The following KLHL3 variants were observed in gnomAD, a reference collection of about 807,000 sequenced individuals.
KLHL3 encodes the protein kelch like family member 3.
Under a neutral mutation model 70.5 loss-of-function variants are expected in KLHL3, and 19 were observed. That is an observed-to-expected ratio of 0.27 (90% CI 0.19 to 0.40). The LOEUF (loss-of-function observed/expected upper bound fraction) is 0.40, where lower values mean the gene tolerates loss of function less well. KLHL3 is among the 10% of genes least tolerant of loss of function. The pLI, the probability that KLHL3 is intolerant of heterozygous loss-of-function variation, is 1.00. For synonymous variants in KLHL3, 258 were observed against 290.3 expected, an observed-to-expected ratio of 0.89 and a Z score of 1.13; for missense variants, 512 against 771.1, an observed-to-expected ratio of 0.66 and a Z score of 3.98.
chr5:137,635,181 C>T (rs1233467744), intron 11 of KLHL3, among the ~76,000 whole-genome samples: 1 of 152,168 alleles, frequency 6.6e-6, no homozygotes, highest in South Asian at 2.1e-4. Context: ...CAAACCTATA[C>T]TCTGCTACCA....
rs138190204 is a variant in KLHL3, at chr5:137,664,908, G to C, written c.637-2877C>G. Among the ~76,000 whole-genome samples the C allele has an allele frequency of 5.0e-3, 755 of 152,200 alleles. 2 individuals carry two copies. Among genetic ancestry groups the C allele is most frequent in the South Asian group, 8.5e-3 (41 of 4,824 alleles). On this transcript the variant is annotated intron_variant, in intron 6 of 14. Coordinates refer to ENST00000309755, the MANE Select transcript of KLHL3 (RefSeq NM_017415.3). ...ACAGATTACATACTATTTACATGGA[G>C]GGAAAATATCCTCAAATAGAGAGAT...
intron 6 of KLHL3, among the ~76,000 whole-genome samples, chr5:137,669,496 A>G (rs1751697260): frequency 6.7e-6 from 1 of 149,940 alleles, no homozygotes; most frequent in South Asian, 2.1e-4. Flanking sequence ...AAAAATTAAA[A>G]CGGTAACATC....
rs374389148 is a variant in KLHL3, at chr5:137,725,863, T to A, written c.15-5279A>T. Among the ~76,000 whole-genome samples, 40 of 152,314 alleles carry A rather than the reference T, an allele frequency of 2.6e-4. No individual in the cohort carries two copies. In the South Asian group the frequency reaches 6.0e-3, roughly 23 times the overall value. On this transcript the variant is annotated intron_variant, in intron 1 of 14. Coordinates refer to ENST00000309755, the MANE Select transcript of KLHL3 (RefSeq NM_017415.3). ...CCACAGAAAGGGTGTTGCAAATTGG[T>A]TCTGACTTATCTCACACTCACAGAT...
intron 5 of KLHL3, among the ~76,000 whole-genome samples, chr5:137,684,107 C>T (rs1752104351): frequency 6.6e-6 from 1 of 152,158 alleles, no homozygotes; most frequent in South Asian, 2.1e-4. Context: ...CAGCTGGCCT[C>T]ACTCTGGCAC....
At chr5:137,728,427 A>G (rs1346528511) in intron 1 of KLHL3, among the ~76,000 whole-genome samples, 1 of 152,324 alleles carries the variant, frequency 6.6e-6, no homozygotes, top group East Asian at 1.9e-4. Flanking sequence ...TCATTAAAAT[A>G]CTGATGGCTT....
rs757805839 is a variant in KLHL3 at position 137,637,432 on chromosome 5, C to A, written c.1220-37G>T. On this transcript the variant is annotated intron_variant, in intron 10 of 14. Coordinates refer to ENST00000309755, the MANE Select transcript of KLHL3 (RefSeq NM_017415.3). ...GAGACTCATGAGACTTCCGTGGCAC[C>A]AGGCCTCACCCTGCTGTGTGAGAAG... is the stretch of plus-strand genomic sequence containing the variant. 7 of 1,576,628 alleles carry A rather than the reference C, an allele frequency of 4.4e-6. No individual in the cohort carries two copies. In the East Asian group the frequency reaches 1.1e-4, roughly 25 times the overall value.
In KLHL3 at chr5:137,677,781, G is replaced by C. The variant is rs1751922421; in HGVS notation, c.527-127C>G. 4 of 525,570 alleles carry C rather than the reference G, an allele frequency of 7.6e-6. No homozygotes were observed. In the East Asian group the frequency reaches 1.3e-4, roughly 17 times the overall value. The allele number at this position is 525,570 out of a possible 1,614,324, so 32.6% of individuals were successfully genotyped here. ...GCCAGGGGGACCATGGAGGGAAAGG[G>C]AGTGAAACAAAGACAGAGACATCAT... On this transcript the variant is annotated intron_variant, in intron 5 of 14. Transcript: ENST00000309755.
chr5:137,682,788 A>AT (rs1752064823), intron 5 of KLHL3, among the ~76,000 whole-genome samples: 1 of 152,216 alleles, frequency 6.6e-6, no homozygotes, highest in Non-Finnish European at 1.5e-5. Flanking sequence ...ATATCTGTAT[A>AT]TACCGAGCTC....
At chr5:137,705,419 T>C (rs780168301) in intron 3 of KLHL3, among the ~76,000 whole-genome samples, 1 of 152,220 alleles carries the variant, frequency 6.6e-6, no homozygotes, top group Non-Finnish European at 1.5e-5. Flanking sequence ...CCCTTGTCTC[T>C]CACCCCCAGC....
intron 12 of KLHL3, chr5:137,630,014 G>C (rs534436741): frequency 6.6e-6 from 1 of 152,298 alleles, no homozygotes; most frequent in Admixed American, 6.5e-5. Flanking sequence ...TAGAGCCACA[G>C]GGGCTCCTGG....
intron 8 of KLHL3, 120 bp downstream of exon 8, chr5:137,658,011 T>G: frequency 1.1e-6 from 1 of 940,372 alleles, no homozygotes; most frequent in Non-Finnish European, 1.6e-6. Context: ...ATCTCCTAGG[T>G]TGTAAATGCA....
intron 6 of KLHL3, among the ~76,000 whole-genome samples, chr5:137,669,705 G>A (rs773061025): frequency 4.6e-5 from 7 of 152,232 alleles, no homozygotes; most frequent in Non-Finnish European, 7.3e-5. Context: ...ATGTCTGCCA[G>A]TCAATATGGT....
At chr5:137,658,732 A>G (rs1238936349) in intron 7 of KLHL3, among the ~76,000 whole-genome samples, 1 of 152,214 alleles carries the variant, frequency 6.6e-6, no homozygotes, top group African/African-American at 2.4e-5. Context: ...TGTGGGAGCC[A>G]TCAGCCAACC....
At chr5:137,719,520 G>A (rs1263120934) in intron 2 of KLHL3, among the ~76,000 whole-genome samples, 2 of 152,220 alleles carry the variant, frequency 1.3e-5, no homozygotes, top group Non-Finnish European at 1.5e-5. Flanking sequence ...AGAAGAGATC[G>A]TGTCCACAGG....
At chr5:137,699,658 A>G (rs1752525544) in intron 3 of KLHL3, among the ~76,000 whole-genome samples, 1 of 152,220 alleles carries the variant, frequency 6.6e-6, no homozygotes, top group Non-Finnish European at 1.5e-5. Flanking sequence ...ACACGGGTTT[A>G]TCGAAAGCCA....
At chr5:137,727,710 C>T in intron 1 of KLHL3, among the ~76,000 whole-genome samples, 1 of 152,168 alleles carries the variant, frequency 6.6e-6, no homozygotes, top group East Asian at 1.9e-4. Flanking sequence ...CCACTACTCA[C>T]TAGATTAGTT....
intron 4 of KLHL3, among the ~76,000 whole-genome samples, chr5:137,693,186 G>A (rs1358756990): frequency 6.6e-6 from 1 of 152,136 alleles, no homozygotes; most frequent in East Asian, 1.9e-4. Flanking sequence ...AGAGTCTACT[G>A]GAACAAGATT....
chr5:137,699,896 G>A (rs1345646575), intron 3 of KLHL3, among the ~76,000 whole-genome samples: 1 of 152,230 alleles, frequency 6.6e-6, no homozygotes, highest in African/African-American at 2.4e-5. Flanking sequence ...CCTCCAAGCT[G>A]CACGGACTGC....
At chr5:137,723,149 G>T (rs1169504310) in intron 1 of KLHL3, among the ~76,000 whole-genome samples, 1 of 152,160 alleles carries the variant, frequency 6.6e-6, no homozygotes, top group Non-Finnish European at 1.5e-5. Context: ...TGGTCAGTTT[G>T]TCTGTCTCTG....
Sources: gnomAD v4.1 joint callset for allele counts (sites outside exome capture counted in the v4.1 genomes callset) on GRCh38, gnomAD v4.1.1 for gene constraint, MANE v1.5 for transcripts, NCBI Gene and HGNC (gene_info 2026-07-23, HGNC 2026-07-21) for gene names.